The following CENPW variants were observed in gnomAD, a reference collection of about 807,000 sequenced individuals.
CENPW encodes centromere protein W.
Under a neutral mutation model 11.1 loss-of-function variants are expected in CENPW, and 3 were observed. The observed-to-expected ratio is 0.27, with a 90% CI of 0.12 to 0.70. The LOEUF (loss-of-function observed/expected upper bound fraction) is 0.70, where lower values mean the gene tolerates loss of function less well. Ranked by LOEUF, CENPW falls within the 30% of genes least tolerant of loss-of-function variation. The probability of loss-of-function intolerance (pLI) is 0.77; values close to 1 mark genes in which losing one functional copy is unlikely to be tolerated. For synonymous variants in CENPW, 38 were observed against 42.0 expected (o/e 0.91, Z 0.37); for missense variants, 100 against 105.6 (o/e 0.95, Z 0.23).
At chr6:126,481,226 A>C in the CENPW span, among the ~76,000 whole-genome samples, 2 of 151,934 alleles carry the variant, frequency 1.3e-5, no homozygotes, top group Non-Finnish European at 2.9e-5. Flanking sequence ...GATTACATGG[A>C]ATTTTGGACT....
At chr6:126,366,768 T>C in the CENPW span, among the ~76,000 whole-genome samples, 1 of 152,112 alleles carries the variant, frequency 6.6e-6, no homozygotes, top group Non-Finnish European at 1.5e-5. Context: ...ATACCTGAGA[T>C]TGGATAATTG....
At chr6:126,371,451 G>A in the CENPW span, among the ~76,000 whole-genome samples, 1 of 152,162 alleles carries the variant, frequency 6.6e-6, no homozygotes, top group Admixed American at 6.5e-5. Context: ...GTTGATCATG[G>A]TGGATTACCT....
At chr6:126,356,952 C>A in the CENPW span, among the ~76,000 whole-genome samples, 11 of 152,204 alleles carry the variant, frequency 7.2e-5, no homozygotes, top group Non-Finnish European at 1.6e-4. Context: ...TTAATTAGGT[C>A]CCACTTGTCA....
the CENPW span, among the ~76,000 whole-genome samples, chr6:126,406,200 T>C: frequency 2.0e-5 from 3 of 152,274 alleles, no homozygotes; most frequent in East Asian, 5.8e-4. Context: ...TTTGTGTCTA[T>C]TGAGAGGATT....
chr6:126,353,985 TC>T, the CENPW span, among the ~76,000 whole-genome samples: 1 of 151,974 alleles, frequency 6.6e-6, no homozygotes, highest in Non-Finnish European at 1.5e-5. Context: ...GTTTTATCTA[TC>T]TTTTTCTTGT....
the CENPW span, among the ~76,000 whole-genome samples, chr6:126,482,543 G>A: frequency 6.6e-6 from 1 of 151,834 alleles, no homozygotes; most frequent in Non-Finnish European, 1.5e-5. Flanking sequence ...ATGATATTAT[G>A]TATGGATTTA....
At chr6:126,392,657 G>A in the CENPW span, among the ~76,000 whole-genome samples, 1 of 152,064 alleles carries the variant, frequency 6.6e-6, no homozygotes. Flanking sequence ...AATCCCACTT[G>A]GTCATGGATC....
chr6:126,375,217 A>G, the CENPW span, among the ~76,000 whole-genome samples: 2 of 152,192 alleles, frequency 1.3e-5, no homozygotes, highest in East Asian at 3.8e-4. Context: ...CAGTGTGTTC[A>G]AGAAACAGAA....
At chr6:126,430,903 G>A in the CENPW span, among the ~76,000 whole-genome samples, 5 of 151,976 alleles carry the variant, frequency 3.3e-5, 1 homozygote, top group South Asian at 4.2e-4. Context: ...CTGGGTGACA[G>A]AGTGAGACTC....
the CENPW span, among the ~76,000 whole-genome samples, chr6:126,467,955 A>G: frequency 6.6e-6 from 1 of 152,174 alleles, no homozygotes; most frequent in Non-Finnish European, 1.5e-5. Flanking sequence ...TGTAACTGCA[A>G]TATAATTATA....
chr6:126,433,304 G>A, the CENPW span, among the ~76,000 whole-genome samples: 1 of 152,140 alleles, frequency 6.6e-6, no homozygotes, highest in African/African-American at 2.4e-5. Flanking sequence ...TAGGCCTTGT[G>A]CTAGAATCTT....
the CENPW span, among the ~76,000 whole-genome samples, chr6:126,462,532 T>TCACACACACA: frequency 3.6e-5 from 4 of 111,834 alleles, no homozygotes; most frequent in African/African-American, 1.2e-4. Context: ...TCTCTCTCTC[T>TCACACACACA]CACACACACA....
chr6:126,370,764 T>C, the CENPW span, among the ~76,000 whole-genome samples: 1 of 151,962 alleles, frequency 6.6e-6, no homozygotes, highest in Non-Finnish European at 1.5e-5. Context: ...CTTTTTTTTT[T>C]TTTCTTGAGA....
the CENPW span, among the ~76,000 whole-genome samples, chr6:126,423,015 A>G: frequency 1.1e-4 from 17 of 152,122 alleles, 1 homozygote; most frequent in Non-Finnish European, 1.8e-4. Context: ...TTTCCCTGAT[A>G]AAGGAAGTGT....
the CENPW span, among the ~76,000 whole-genome samples, chr6:126,432,713 T>G: frequency 1.3e-5 from 2 of 152,150 alleles, no homozygotes; most frequent in Non-Finnish European, 2.9e-5. Context: ...TGCCTCTCAC[T>G]CAGATAAACA....
At chr6:126,433,730 T>C in the CENPW span, among the ~76,000 whole-genome samples, 1 of 152,096 alleles carries the variant, frequency 6.6e-6, no homozygotes, top group Non-Finnish European at 1.5e-5. Context: ...GCCAAACCTC[T>C]TTTTGGGAAA....
the CENPW span, among the ~76,000 whole-genome samples, chr6:126,481,543 A>T: frequency 1.3e-5 from 2 of 152,078 alleles, no homozygotes; most frequent in Non-Finnish European, 2.9e-5. Flanking sequence ...GCTGAACTTC[A>T]TCTTTTTATC....
chr6:126,341,481 GC>G (rs1780309771), intron 1 of CENPW, among the ~76,000 whole-genome samples: 1 of 151,870 alleles, frequency 6.6e-6, no homozygotes, highest in South Asian at 2.1e-4. Flanking sequence ...TAGAATTATC[GC>G]CCCTTTCCCC....
chr6:126,419,046 G>A, the CENPW span, among the ~76,000 whole-genome samples: 3 of 151,886 alleles, frequency 2.0e-5, no homozygotes, highest in Non-Finnish European at 4.4e-5. Context: ...AAACCTGCAC[G>A]TTGTGCACAT....
Sources: allele counts gnomAD v4.1 joint callset (sites outside exome capture counted in the v4.1 genomes callset), GRCh38; gene constraint gnomAD v4.1.1; transcripts MANE v1.5; gene names NCBI Gene and HGNC (gene_info 2026-07-23, HGNC 2026-07-21).